Variants in RAMP3 observed in about 807,000 individuals in gnomAD.
The protein encoded by RAMP3 is receptor activity-modifying protein 3.
Under a neutral mutation model 13.5 loss-of-function variants are expected in RAMP3, and 14 were observed. That is an observed-to-expected ratio of 1.04 (90% CI 0.69 to 1.63). RAMP3 has a LOEUF of 1.63. Ranked by LOEUF, RAMP3 falls within the 40% of genes most tolerant of loss-of-function variation. The pLI is 0.00. For synonymous variants in RAMP3, 106 were observed against 88.3 expected (o/e 1.20, Z -1.12); for missense variants, 200 against 204.8 (o/e 0.98, Z 0.14).
At chr7:45,157,978 G>A in intron 1 of RAMP3, 92 bp downstream of exon 1, 1 of 1,200,470 alleles carries the variant, frequency 8.3e-7, no homozygotes, top group Non-Finnish European at 1.1e-6. Flanking sequence ...CCTGCGCCGC[G>A]GTCCTTCCCT....
intron 1 of RAMP3, among the ~76,000 whole-genome samples, chr7:45,166,557 A>T (rs1785965315): frequency 6.6e-6 from 1 of 152,150 alleles, no homozygotes. Flanking sequence ...ACCTGGGTAC[A>T]AGTCTTTTAT....
Position 45,183,271 on chromosome 7 carries a change from C to T in RAMP3, c.306C>T (p.Ser102=). 1 of 1,614,102 alleles carries T rather than the reference C, an allele frequency of 6.2e-7. No homozygotes were observed. Among genetic ancestry groups the T allele is most frequent in the South Asian group, 1.1e-5 (1 of 91,084 alleles). The change falls in exon 3 of 3, where the codon TCC becomes TCT. Residue 102 remains serine (S), a synonymous_variant. Transcript: ENST00000242249. ...FITGIHRQFF[S]NCTVDRVHLE... Reference sequence around the variant, plus strand: ...CCGGCATCCACAGGCAGTTCTTCTCCAACTGCACCGTGGACAGGGTCCACT... The same window carrying T: ...CCGGCATCCACAGGCAGTTCTTCTCTAACTGCACCGTGGACAGGGTCCACT...
intron 1 of RAMP3, among the ~76,000 whole-genome samples, chr7:45,167,129 T>A (rs1207982749): frequency 6.6e-6 from 1 of 152,222 alleles, no homozygotes; most frequent in Admixed American, 6.5e-5. Context: ...GGCTAATTTT[T>A]TGTACTTTTA....
At chr7:45,177,215 A>T in intron 1 of RAMP3, 94 bp from the exon 2 acceptor site, 1 of 1,510,896 alleles carries the variant, frequency 6.6e-7, no homozygotes, top group Non-Finnish European at 9.1e-7. Flanking sequence ...GAGCCTTGCT[A>T]GTGAGTACTC....
At chr7:45,169,993 G>A (rs1489739985) in intron 1 of RAMP3, among the ~76,000 whole-genome samples, 1 of 152,124 alleles carries the variant, frequency 6.6e-6, no homozygotes, top group Non-Finnish European at 1.5e-5. Flanking sequence ...GCATATAGCA[G>A]TTCATAGTAT....
chr7:45,173,430 G>A (rs1245358803), intron 1 of RAMP3, among the ~76,000 whole-genome samples: 1 of 152,224 alleles, frequency 6.6e-6, no homozygotes, highest in African/African-American at 2.4e-5. Flanking sequence ...TGTCCAGGCT[G>A]CCGCTAACAA....
At chr7:45,169,738 C>T (rs1786043129) in intron 1 of RAMP3, among the ~76,000 whole-genome samples, 1 of 152,180 alleles carries the variant, frequency 6.6e-6, no homozygotes, top group Non-Finnish European at 1.5e-5. Flanking sequence ...CTGTGTGTGT[C>T]TTTCTCTGTG....
chr7:45,165,165 T>G (rs913756232), intron 1 of RAMP3, among the ~76,000 whole-genome samples: 3 of 152,198 alleles, frequency 2.0e-5, no homozygotes, highest in African/African-American at 7.2e-5. Flanking sequence ...TCAGGGTTTA[T>G]GGTATACATC....
chr7:45,166,464 A>T (rs1480729113), intron 1 of RAMP3, among the ~76,000 whole-genome samples: 2 of 152,214 alleles, frequency 1.3e-5, no homozygotes, highest in Non-Finnish European at 2.9e-5. Flanking sequence ...ATATTTTTGT[A>T]GAAATGACTA....
At chr7:45,169,696 T>C (rs528368610) in intron 1 of RAMP3, among the ~76,000 whole-genome samples, 15 of 152,326 alleles carry the variant, frequency 9.8e-5, no homozygotes, top group African/African-American at 3.6e-4. Flanking sequence ...CACTGTTGTC[T>C]TCTCCCTGAA....
chr7:45,184,175 T>C lies in RAMP3; in HGVS notation c.*763T>C. 1 of 398,758 alleles carries C rather than the reference T, an allele frequency of 2.5e-6. No individual in the cohort carries two copies. Among genetic ancestry groups the C allele is most frequent in the East Asian group, 3.6e-5 (1 of 28,086 alleles). 24.7% of individuals were successfully genotyped at this position (398,758 alleles called of 1,614,324 possible). A position where few individuals can be genotyped will look rare whatever the true frequency, so the allele number is the denominator to read the frequency against. ...TCTGTGGGTGAGGGGCCCTCTGGAA[T>C]GGCATCCCATGAGCTTGTGGCCTCT... On this transcript the variant is annotated 3_prime_UTR_variant, in exon 3 of 3. Transcript: ENST00000242249.
chr7:45,168,406 CA>C (rs71030854), intron 1 of RAMP3, among the ~76,000 whole-genome samples: 2,749 of 70,308 alleles, frequency 0.039, 33 homozygotes, highest in East Asian at 0.1. Flanking sequence ...ACTCTGTTTC[CA>C]AAAAAAAAAA....
intron 1 of RAMP3, among the ~76,000 whole-genome samples, chr7:45,174,316 A>T (rs953389679): frequency 6.6e-6 from 1 of 152,120 alleles, no homozygotes; most frequent in Non-Finnish European, 1.5e-5. Flanking sequence ...GGCCAGGGAA[A>T]GTACAGGCTG....
At chr7:45,176,393 C>T (rs905160821) in intron 1 of RAMP3, among the ~76,000 whole-genome samples, 2 of 144,542 alleles carry the variant, frequency 1.4e-5, no homozygotes, top group African/African-American at 5.7e-5. Context: ...TACCTACACA[C>T]ACACACACAC....
intron 1 of RAMP3, among the ~76,000 whole-genome samples, chr7:45,158,728 G>A (rs183689720): frequency 6.6e-6 from 1 of 152,190 alleles, no homozygotes. Context: ...CTGGCTGTAA[G>A]ATGCAGAGTT....
chr7:45,182,712 G>A (rs1294920), intron 2 of RAMP3, among the ~76,000 whole-genome samples: 63,143 of 152,088 alleles, frequency 0.42, 14,211 homozygotes, highest in Admixed American at 0.51. Context: ...TTGATTAGGA[G>A]GTGGCTGGCC....
intron 1 of RAMP3, among the ~76,000 whole-genome samples, chr7:45,170,514 T>A (rs973254617): frequency 6.6e-6 from 1 of 152,114 alleles, no homozygotes; most frequent in Non-Finnish European, 1.5e-5. Context: ...ATTTTTTGTA[T>A]TTTTACTAGA....
In RAMP3 at chr7:45,177,461, G is replaced by T. The variant is rs368770188; in HGVS notation, c.191+20G>T. 4 of 1,613,688 alleles carry T rather than the reference G, an allele frequency of 2.5e-6. No homozygotes were observed. In the African/African-American group the frequency reaches 4.0e-5, roughly 16 times the overall value. On this transcript the variant is annotated intron_variant, in intron 2 of 2. Transcript: ENST00000242249. ...CATCGTGTGAGTGCCACTGCTGGGC[G>T]TGGGATTTGCTCTGACCACAGCGCT...
chr7:45,180,238 G>A (rs894201004), intron 2 of RAMP3, among the ~76,000 whole-genome samples: 2 of 152,242 alleles, frequency 1.3e-5, no homozygotes, highest in Non-Finnish European at 2.9e-5. Context: ...AGTACACCCT[G>A]GGTGGAGGCA....
Sources: gnomAD v4.1 joint callset for allele counts (sites outside exome capture counted in the v4.1 genomes callset) on GRCh38, gnomAD v4.1.1 for gene constraint, MANE v1.5 for transcripts, NCBI Gene and HGNC (gene_info 2026-07-23, HGNC 2026-07-21) for gene names.